Variants in KLRG1 observed in about 807,000 individuals in gnomAD.
KLRG1 encodes killer cell lectin like receptor G1.
A neutral mutation model predicts 21.8 loss-of-function variants in KLRG1; 16 were observed. The ratio of observed to expected loss-of-function variants is 0.73; its 90% CI spans 0.50 to 1.11. KLRG1 has a LOEUF of 1.11. KLRG1 is among the 50% of genes most tolerant of loss of function. The pLI is 0.00. For synonymous variants in KLRG1, 69 were observed against 75.9 expected (o/e 0.91, Z 0.47); for missense variants, 173 against 218.3 (o/e 0.79, Z 1.31).
intron 3 of KLRG1, among the ~76,000 whole-genome samples, chr12:9,008,124 C>T (rs952066107): frequency 1.3e-5 from 2 of 151,886 alleles, no homozygotes; most frequent in African/African-American, 2.4e-5. Context: ...TTTTTCTTGC[C>T]ACATACAAGA....
chr12:8,978,914 C>T (rs1946709014), intron 1 of KLRG1, among the ~76,000 whole-genome samples: 4 of 151,826 alleles, frequency 2.6e-5, no homozygotes, highest in South Asian at 4.2e-4. Context: ...AGGGTTTCAC[C>T]ATGTTGACCA....
At chr12:9,194,262 G>A in the KLRG1 span, 4 of 1,610,766 alleles carry the variant, frequency 2.5e-6, no homozygotes, top group Non-Finnish European at 3.4e-6. Context: ...GTACTTGATA[G>A]TTGATGTGAA....
the KLRG1 span, among the ~76,000 whole-genome samples, chr12:9,175,406 A>C: frequency 6.6e-6 from 1 of 152,212 alleles, no homozygotes; most frequent in African/African-American, 2.4e-5. Context: ...GCGCAGGCAA[A>C]GATTTCATGA....
chr12:9,035,161 C>T, the KLRG1 span, among the ~76,000 whole-genome samples: 13 of 152,204 alleles, frequency 8.5e-5, no homozygotes, highest in East Asian at 1.9e-4. Flanking sequence ...GGAGATTTCT[C>T]GAAGAACTTA....
At chr12:9,163,730 C>T in the KLRG1 span, 1 of 1,613,970 alleles carries the variant, frequency 6.2e-7, no homozygotes, top group Non-Finnish European at 8.5e-7. Context: ...TCAACAACCT[C>T]ATTTCCACAG....
chr12:9,132,212 A>G, the KLRG1 span, among the ~76,000 whole-genome samples: 3 of 152,364 alleles, frequency 2.0e-5, no homozygotes, highest in African/African-American at 7.2e-5. Context: ...TTATTGGGCA[A>G]TTCTATCAAC....
At chr12:8,977,385 T>A (rs990326487) in intron 1 of KLRG1, among the ~76,000 whole-genome samples, 76 of 149,022 alleles carry the variant, frequency 5.1e-4, no homozygotes, top group Non-Finnish European at 9.4e-4. Context: ...TTTTTTTTTT[T>A]TTTTATTTGT....
At chr12:9,094,900 C>T in the KLRG1 span, 1 of 765,896 alleles carries the variant, frequency 1.3e-6, no homozygotes, top group Non-Finnish European at 1.9e-6. Flanking sequence ...ATTTTTGTCA[C>T]ATTGTATCTT....
chr12:9,177,449 G>A, the KLRG1 span, among the ~76,000 whole-genome samples: 1 of 152,184 alleles, frequency 6.6e-6, no homozygotes, highest in Non-Finnish European at 1.5e-5. Context: ...TCACAAGCTA[G>A]ACCCACCTAG....
At chr12:9,024,018 A>ATTT in the KLRG1 span, among the ~76,000 whole-genome samples, 911 of 70,932 alleles carry the variant, frequency 0.013, 243 homozygotes, top group African/African-American at 0.041. Context: ...GAACACATGG[A>ATTT]TTTTTTTTTT....
At chr12:9,167,698 C>T in the KLRG1 span, among the ~76,000 whole-genome samples, 1 of 152,288 alleles carries the variant, frequency 6.6e-6, no homozygotes, top group Non-Finnish European at 1.5e-5. Flanking sequence ...CTACTAATTT[C>T]AATCCCTGTT....
the KLRG1 span, among the ~76,000 whole-genome samples, chr12:9,190,994 G>T: frequency 6.6e-6 from 1 of 152,076 alleles, no homozygotes; most frequent in East Asian, 1.9e-4. Flanking sequence ...AAAATATGTG[G>T]TTAAAATTGT....
intron 3 of KLRG1, among the ~76,000 whole-genome samples, chr12:9,004,030 A>G (rs1048567676): frequency 6.6e-6 from 1 of 151,952 alleles, no homozygotes; most frequent in African/African-American, 2.4e-5. Context: ...AAAGGACATG[A>G]ACTCATCATT....
chr12:9,205,345 TG>T, the KLRG1 span, among the ~76,000 whole-genome samples: 1 of 152,142 alleles, frequency 6.6e-6, no homozygotes, highest in Non-Finnish European at 1.5e-5. Flanking sequence ...TGAAATCCCA[TG>T]GGCTGAAAGA....
the KLRG1 span, among the ~76,000 whole-genome samples, chr12:9,024,437 G>A: frequency 0.23 from 35,140 of 151,954 alleles, 4,764 homozygotes; most frequent in South Asian, 0.32. Context: ...AGAATATAGC[G>A]TAGTATAGTT....
chr12:9,187,416 G>A, the KLRG1 span, among the ~76,000 whole-genome samples: 3 of 152,062 alleles, frequency 2.0e-5, no homozygotes, highest in African/African-American at 4.8e-5. Context: ...CTCTAAAACC[G>A]ATCACACAAT....
the KLRG1 span, chr12:9,164,179 TCCACAGATA>T: frequency 3.1e-6 from 5 of 1,610,356 alleles, no homozygotes; most frequent in Non-Finnish European, 4.2e-6. Flanking sequence ...GTCTCTCATT[TCCACAGATA>T]CAATAGGATT....
chr12:8,971,734 G>A (rs1017864375), intron 1 of KLRG1, among the ~76,000 whole-genome samples: 5 of 151,982 alleles, frequency 3.3e-5, no homozygotes, highest in Admixed American at 2.0e-4. Flanking sequence ...CAAGTGATCC[G>A]CCTGCCTCGG....
the KLRG1 span, among the ~76,000 whole-genome samples, chr12:9,153,745 T>C: frequency 6.6e-6 from 1 of 152,190 alleles, no homozygotes; most frequent in East Asian, 1.9e-4. Context: ...TTCTTGAGTT[T>C]CTTTTTACCT....
Sources: gnomAD v4.1 joint callset for allele counts (sites outside exome capture counted in the v4.1 genomes callset) on GRCh38, gnomAD v4.1.1 for gene constraint, MANE v1.5 for transcripts, NCBI Gene and HGNC (gene_info 2026-07-23, HGNC 2026-07-21) for gene names.